The following ALOXE3 variants were observed in gnomAD, a reference collection of about 807,000 sequenced individuals.
ALOXE3 encodes the protein hydroperoxide isomerase ALOXE3.
A neutral mutation model predicts 87.5 loss-of-function variants in ALOXE3; 78 were observed. The observed-to-expected ratio is 0.89, with a 90% confidence interval of 0.74 to 1.08. The LOEUF (loss-of-function observed/expected upper bound fraction) is 1.08. Ranked by LOEUF, ALOXE3 falls within the 50% of genes least tolerant of loss-of-function variation. The pLI is 0.00. For missense variants in ALOXE3, 946 were observed against 912.4 expected (o/e 1.04, Z -0.47); for synonymous variants, 363 against 370.8 (o/e 0.98, Z 0.24).
chr17:8,109,133 A>G (rs1257721452), intron 12 of ALOXE3, 41 bp downstream of exon 12: 3 of 1,608,880 alleles, frequency 1.9e-6, no homozygotes, highest in Non-Finnish European at 2.5e-6. Flanking sequence ...CCAGGCCAGG[A>G]GACCCTGGTG....
Position 8,110,003 on chromosome 17 carries a change from C to T in ALOXE3, c.1306-1G>A. ...TGTATCGAGTGTGGGGGAGTAGGAGCTGCGAGCGGAGCGGATCACGTGAGC... is the reference window on the plus strand; with the variant it reads ...TGTATCGAGTGTGGGGGAGTAGGAGTTGCGAGCGGAGCGGATCACGTGAGC... On this transcript the variant is annotated splice_acceptor_variant, in intron 10 of 15. Transcript: ENST00000448843. LOFTEE classifies it high-confidence loss of function. 6.4e-7 allele frequency: 1 copy of T among 1,556,338 alleles called. No individual in the cohort carries two copies. The highest frequency in any genetic ancestry group is 1.4e-5 in the African/African-American group (1 of 73,420).
intron 4 of ALOXE3, 87 bp downstream of exon 4, chr17:8,115,520 G>A: frequency 7.2e-7 from 1 of 1,391,426 alleles, no homozygotes; most frequent in Non-Finnish European, 1.0e-6. Flanking sequence ...ACCCAAGGTT[G>A]AGAATGAGGT....
chr17:8,106,509 G>A (rs1020876835), intron 13 of ALOXE3, among the ~76,000 whole-genome samples: 1 of 152,028 alleles, frequency 6.6e-6, no homozygotes, highest in East Asian at 1.9e-4. Context: ...GCAAGACCCT[G>A]TCTCAAAAAA....
intron 3 of ALOXE3, among the ~76,000 whole-genome samples, chr17:8,116,412 C>T (rs2151846598): frequency 6.6e-6 from 1 of 152,284 alleles, no homozygotes; most frequent in South Asian, 2.1e-4. Context: ...CAGGGCTTCT[C>T]TACCTGTTAA....
chr17:8,108,011 GAAAGAAA>G (rs1979632494), intron 13 of ALOXE3, among the ~76,000 whole-genome samples: 2 of 62,828 alleles, frequency 3.2e-5, no homozygotes, highest in South Asian at 9.3e-4. Context: ...AAGAAAGAAA[GAAAGAAA>G]GAAAGAAAGA....
intron 15 of ALOXE3, among the ~76,000 whole-genome samples, chr17:8,101,745 C>T (rs1978936135): frequency 6.6e-6 from 1 of 151,928 alleles, no homozygotes. Flanking sequence ...TCAAGTGATC[C>T]TCCCACTTTA....
Position 8,096,379 on chromosome 17 carries a change from G to C in ALOXE3, c.*248C>G. 2.0e-6 allele frequency: 1 copy of C among 495,062 alleles called. No homozygotes were observed. The highest frequency in any genetic ancestry group is 3.6e-6 in the Non-Finnish European group (1 of 276,642). The allele number at this position is 495,062 out of a possible 1,614,324, so 30.7% of individuals were successfully genotyped here. On this transcript the variant is annotated 3_prime_UTR_variant, in exon 16 of 16. Transcript: ENST00000448843. ...AGAAGTGAAGCGGTTCCTTCCTTTC[G>C]GAGGGGCTATTGTGCATTGGACTTT...
intron 15 of ALOXE3, among the ~76,000 whole-genome samples, chr17:8,101,665 GT>G (rs1166148404): frequency 2.6e-5 from 4 of 151,500 alleles, no homozygotes; most frequent in African/African-American, 9.7e-5. Context: ...TTTGTTTTTT[GT>G]TTTTGTGTCA....
At chr17:8,115,487 A>G in intron 4 of ALOXE3, 120 bp downstream of exon 4, 1 of 1,029,636 alleles carries the variant, frequency 9.7e-7, no homozygotes, top group Non-Finnish European at 1.5e-6. Context: ...AGGTCCAAAT[A>G]AGAGTCCTGA....
At chr17:8,111,215 CAGGACCATGGCTGCCCAGAGGATG>C in intron 8 of ALOXE3, 120 bp downstream of exon 8, 1 of 1,037,302 alleles carries the variant, frequency 9.6e-7, no homozygotes, top group South Asian at 1.4e-5. Flanking sequence ...TTAAAGTGTG[CAGGACCATGGCTGCCCAGAGGATG>C]AGGCCCACAG....
intron 13 of ALOXE3, among the ~76,000 whole-genome samples, chr17:8,107,884 AG>A (rs1295299575): frequency 6.9e-4 from 3 of 4,326 alleles, no homozygotes; most frequent in Admixed American, 2.2e-3. Flanking sequence ...AAAGAAAGAA[AG>A]AAAGAAAGAA....
At chr17:8,111,671 T>A in intron 7 of ALOXE3, 140 bp from the exon 8 acceptor site, 1 of 831,056 alleles carries the variant, frequency 1.2e-6, no homozygotes, top group Non-Finnish European at 2.0e-6. Context: ...ATCTTCAATT[T>A]AATACTAGAC....
intron 13 of ALOXE3, among the ~76,000 whole-genome samples, chr17:8,106,878 A>C (rs1979354963): frequency 6.6e-6 from 1 of 151,978 alleles, no homozygotes; most frequent in Admixed American, 6.5e-5. Context: ...TCAGAGAAAA[A>C]AATGTAATAA....
chr17:8,118,105 C>T lies in ALOXE3; in HGVS notation c.-115G>A, dbSNP rs1004740302. Reference sequence around the variant, plus strand: ...TTTCTGGGCGGAGGGCTAGGGGCTGCGGGGCTGGGTAGGGCTGAGGATGGG... The same window carrying T: ...TTTCTGGGCGGAGGGCTAGGGGCTGTGGGGCTGGGTAGGGCTGAGGATGGG... On this transcript the variant is annotated 5_prime_UTR_variant, in exon 2 of 16. Transcript: ENST00000448843. The T allele has an allele frequency of 1.3e-6, 2 of 1,554,210 alleles. No individual in the cohort carries two copies. The highest frequency in any genetic ancestry group is 2.0e-5 in the Admixed American group (1 of 51,118).
chr17:8,103,259 G>GCCA, intron 15 of ALOXE3, 64 bp downstream of exon 15: 1 of 1,591,762 alleles, frequency 6.3e-7, no homozygotes, highest in Non-Finnish European at 8.6e-7. Flanking sequence ...CCCAGACGAA[G>GCCA]CCACCACCAC....
rs149247696 is a variant in ALOXE3, at chr17:8,106,607, T to C, written c.1684+1861A>G. Among the ~76,000 whole-genome samples the C allele has an allele frequency of 1.9e-4, 29 of 152,308 alleles. 1 individual carries two copies. The East Asian group carries it at 5.6e-3, about 29-fold the overall frequency. ...TTTCCGTAGTTCATATTGCCTATTT[T>C]TCCCCCATTGGAATATGGAACCTGA... On this transcript the variant is annotated intron_variant, in intron 13 of 15. Coordinates refer to ENST00000448843, the MANE Select transcript of ALOXE3 (RefSeq NM_021628.3).
Position 8,103,450 on chromosome 17 carries a change from C to T in ALOXE3, c.1829G>A (p.Arg610Lys). The T allele has an allele frequency of 6.2e-7, 1 of 1,614,146 alleles. No individual in the cohort carries two copies. The highest frequency in any genetic ancestry group is 8.5e-7 in the Non-Finnish European group (1 of 1,180,014). ...CCCCTTGGTCTGGGGTGGGGGCTGCCTCATGGATGATGGAGCATTGGGCAT... is the reference window on the plus strand; with the variant it reads ...CCCCTTGGTCTGGGGTGGGGGCTGCTTCATGGATGATGGAGCATTGGGCAT... Reference protein sequence around the residue: ...AWMPNAPSSMRQPPPQTKGTT... With the variant: ...AWMPNAPSSMKQPPPQTKGTT... The change falls in exon 15 of 16, where the codon AGG (arginine) becomes AAG (lysine). Residue 610 changes from arginine (R) to lysine (K), a missense_variant. Coordinates refer to ENST00000448843, the MANE Select transcript of ALOXE3 (RefSeq NM_021628.3).
chr17:8,099,914 C>A (rs1978817447), intron 15 of ALOXE3, among the ~76,000 whole-genome samples: 1 of 151,836 alleles, frequency 6.6e-6, no homozygotes, highest in Non-Finnish European at 1.5e-5. Context: ...TACCAAAAAT[C>A]AAAAAATTAG....
intron 14 of ALOXE3, 49 bp downstream of exon 14, chr17:8,104,066 G>C (rs1979104382): frequency 6.5e-7 from 1 of 1,532,782 alleles, no homozygotes; most frequent in Non-Finnish European, 9.0e-7. Flanking sequence ...CAGGCCTCAA[G>C]TCCATTGCTG....
Sources: allele counts gnomAD v4.1 joint callset (sites outside exome capture counted in the v4.1 genomes callset), GRCh38; gene constraint gnomAD v4.1.1; transcripts MANE v1.5; gene names NCBI Gene and HGNC (gene_info 2026-07-23, HGNC 2026-07-21).